ABCC11: variants seen among roughly 807,000 people sequenced by gnomAD.
ABCC11 encodes ATP binding cassette subfamily C member 11.
Under a neutral mutation model 149.3 loss-of-function variants are expected in ABCC11, and 135 were observed. The ratio of observed to expected loss-of-function variants is 0.90; its 90% CI spans 0.79 to 1.04. The LOEUF is 1.04. ABCC11 is among the 50% of genes least tolerant of loss of function. The pLI is 0.00. For synonymous variants in ABCC11, 665 were observed against 671.4 expected (o/e 0.99, Z 0.15); for missense variants, 1,680 against 1,722.1 (o/e 0.98, Z 0.43).
intron 24 of ABCC11, 89 bp from the exon 25 acceptor site, chr16:48,177,202 G>T: frequency 1.5e-6 from 2 of 1,360,238 alleles, no homozygotes; most frequent in Admixed American, 4.3e-5. Flanking sequence ...GCTGTAGGGG[G>T]TGTGACCCAC....
Position 48,195,864 on chromosome 16 carries a change from C to A in ABCC11, c.2404+368G>T, listed in dbSNP as rs530008276. ...GGAGCAGAGCCCAGAGTTTGAAAAACACTGAAATAATGAGGCAGGGGCACT... is the reference window on the plus strand; with the variant it reads ...GGAGCAGAGCCCAGAGTTTGAAAAAAACTGAAATAATGAGGCAGGGGCACT... On this transcript the variant is annotated intron_variant, in intron 18 of 29. Transcript: ENST00000356608. Among the ~76,000 whole-genome samples, 315 of 152,198 alleles carry A rather than the reference C, an allele frequency of 2.1e-3. 1 individual carries two copies. Among genetic ancestry groups the A allele is most frequent in the Non-Finnish European group, 3.1e-3 (214 of 68,014 alleles).
chr16:48,200,326 T>C lies in ABCC11; in HGVS notation c.2032A>G (p.Lys678Glu). 6.2e-7 allele frequency: 1 copy of C among 1,614,234 alleles called. No individual in the cohort carries two copies. Among genetic ancestry groups the C allele is most frequent in the South Asian group, 1.1e-5 (1 of 91,084 alleles). ...VGKHIFEECI[K>E]KTLRGKTVVL... ...ACCGTCTTCCCCCTGAGTGTCTTCT[T>C]AATGCACTCCTCAAAAATGTGCTTC... Residue 678 changes from lysine to glutamate, a missense_variant, in exon 15 of 30, where the codon AAG becomes GAG. Physicochemically the swap from Lys to Glu is moderately conservative, Grantham distance 56 (BLOSUM62 1). Coordinates refer to ENST00000356608, the MANE Select transcript of ABCC11 (RefSeq NM_001370497.1).
At chr16:48,203,395 A>G (rs974966152) in intron 13 of ABCC11, 95 bp from the exon 14 acceptor site, 5 of 1,193,896 alleles carry the variant, frequency 4.2e-6, no homozygotes, top group Non-Finnish European at 6.0e-6. Context: ...TTTTCATGCT[A>G]AGAAATTTAG....
At position 48,214,888 on chromosome 16, in the gene ABCC11, G is replaced by T; in HGVS notation, c.1241C>A (p.Ala414Glu). ...IHTSLKLKLT[A>E]SMAFSMLASL... is the part of the protein sequence containing the mutation. ...AGCCCCCCAAACCCTTACCATTGAC[G>T]CTGTGAGTTTCAGCTTTAAGGATGT... Residue 414 changes from alanine (A) to glutamate (E), a missense_variant, in exon 9 of 30, where the codon GCG becomes GAG. Transcript: ENST00000356608. 6.2e-6 allele frequency: 10 copies of T among 1,614,118 alleles called. No individual in the cohort carries two copies. Among genetic ancestry groups the T allele is most frequent in the Non-Finnish European group, 8.5e-6 (10 of 1,180,014 alleles).
chr16:48,229,037 G>C (rs1234710596), intron 3 of ABCC11, among the ~76,000 whole-genome samples: 3 of 152,146 alleles, frequency 2.0e-5, no homozygotes, highest in Non-Finnish European at 4.4e-5. Flanking sequence ...GGGGGTAGGG[G>C]AGAGGGACTA....
At chr16:48,208,287 A>G in intron 12 of ABCC11, 138 bp downstream of exon 12, 1 of 911,816 alleles carries the variant, frequency 1.1e-6, no homozygotes, top group Non-Finnish European at 1.7e-6. Flanking sequence ...AAGCACAACC[A>G]TTTTTGATTT....
At chr16:48,228,814 T>G (rs1265389611) in intron 3 of ABCC11, among the ~76,000 whole-genome samples, 1 of 151,860 alleles carries the variant, frequency 6.6e-6, no homozygotes, top group Non-Finnish European at 1.5e-5. Context: ...CATAAATAAT[T>G]AAAGATGATA....
chr16:48,207,117 G>C (rs1329834820), intron 12 of ABCC11, among the ~76,000 whole-genome samples: 1 of 152,134 alleles, frequency 6.6e-6, no homozygotes, highest in Non-Finnish European at 1.5e-5. Context: ...GGAGCTGAGG[G>C]AAAAGCCGAA....
chr16:48,230,647 T>C, intron 2 of ABCC11, 74 bp from the exon 3 acceptor site: 1 of 1,389,066 alleles, frequency 7.2e-7, no homozygotes. Context: ...TTGGACCAGC[T>C]GCCCATGGAG....
At chr16:48,240,186 AG>A (rs1225441287) in intron 1 of ABCC11, among the ~76,000 whole-genome samples, 14 of 152,340 alleles carry the variant, frequency 9.2e-5, no homozygotes, top group Admixed American at 3.3e-4. Flanking sequence ...ACATACCCAA[AG>A]GAATATAAAT....
chr16:48,232,459 A>C (rs1970476833), intron 1 of ABCC11, among the ~76,000 whole-genome samples: 1 of 152,202 alleles, frequency 6.6e-6, no homozygotes, highest in South Asian at 2.1e-4. Context: ...GAATGAAAGA[A>C]ACATCATTTT....
chr16:48,208,616 A>G, intron 11 of ABCC11, 120 bp from the exon 12 acceptor site: 5 of 1,062,202 alleles, frequency 4.7e-6, no homozygotes, highest in Non-Finnish European at 5.5e-6. Flanking sequence ...ATAACCACAC[A>G]GAGCCCAAGA....
chr16:48,209,816 C>G (rs377147378), intron 11 of ABCC11: 1 of 152,052 alleles, frequency 6.6e-6, no homozygotes, highest in Non-Finnish European at 1.5e-5. Context: ...AAAACCCACT[C>G]GTACCCCAAA....
Position 48,177,101 on chromosome 16 carries a change from C to T in ABCC11, c.3361G>A (p.Glu1121Lys). The change falls in exon 25 of 30, where the codon GAA (glutamate) becomes AAA (lysine). Residue 1121 changes from glutamate (E) to lysine (K), a missense_variant. By Grantham distance (56) the Glu-to-Lys change is moderately conservative. Transcript: ENST00000356608. ...GTGCCTTCCATGTGTAAAGGAGCTTCCGAGACACACATCTTGTTTTTGAAG... is the reference window on the plus strand; with the variant it reads ...GTGCCTTCCATGTGTAAAGGAGCTTTCGAGACACACATCTTGTTTTTGAAG... ...ILQYMKMCVS[E>K]APLHMEGTSC... is the part of the protein sequence containing the mutation. The T allele has an allele frequency of 6.2e-7, 1 of 1,612,724 alleles. No homozygotes were observed. The highest frequency in any genetic ancestry group is 8.5e-7 in the Non-Finnish European group (1 of 1,179,440).
At chr16:48,210,064 G>T (rs1350032016) in intron 11 of ABCC11, 1 of 152,174 alleles carries the variant, frequency 6.6e-6, no homozygotes, top group Non-Finnish European at 1.5e-5. Flanking sequence ...TGGATTCGAG[G>T]GAGGGAAGGA....
At chr16:48,169,113 C>A (rs2150706396) in intron 28 of ABCC11, among the ~76,000 whole-genome samples, 1 of 152,156 alleles carries the variant, frequency 6.6e-6, no homozygotes, top group Non-Finnish European at 1.5e-5. Context: ...CATCCAATTC[C>A]CAGTTCTAAT....
Position 48,208,468 on chromosome 16 carries a change from G to C in ABCC11, c.1637C>G (p.Thr546Arg). The C allele has an allele frequency of 1.2e-6, 2 of 1,614,032 alleles. No homozygotes were observed. Among genetic ancestry groups the C allele is most frequent in the South Asian group, 1.1e-5 (1 of 91,072 alleles). ...KGMMLGVCGN[T>R]GSGKSSLLSA... Reference sequence around the variant, plus strand: ...CAACAGGCTGCTCTTACCACTCCCCGTGTTGCCGCAGACCCCTAACATCAT... The same window carrying C: ...CAACAGGCTGCTCTTACCACTCCCCCTGTTGCCGCAGACCCCTAACATCAT... The change falls in exon 12 of 30, where the codon ACG becomes AGG. Residue 546 changes from threonine (T) to arginine (R), a missense_variant. Thr to Arg is a moderately conservative substitution (Grantham distance 71, BLOSUM62 -1). Transcript: ENST00000356608.
intron 15 of ABCC11, among the ~76,000 whole-genome samples, chr16:48,199,699 G>C (rs1215477016): frequency 4.0e-4 from 17 of 42,052 alleles, no homozygotes; most frequent in Middle Eastern, 0.013. Flanking sequence ...TTTTTTTTTT[G>C]AGACAGGGTC....
At chr16:48,175,473 C>A (rs750564530) in intron 25 of ABCC11, 56 bp from the exon 26 acceptor site, 16 of 1,554,690 alleles carry the variant, frequency 1.0e-5, no homozygotes, top group Non-Finnish European at 1.2e-5. Context: ...CTAGCGGAAG[C>A]ACAGATCGCA....
Sources: allele counts gnomAD v4.1 joint callset (sites outside exome capture counted in the v4.1 genomes callset), GRCh38; gene constraint gnomAD v4.1.1; transcripts MANE v1.5; gene names NCBI Gene and HGNC (gene_info 2026-07-23, HGNC 2026-07-21).